Variants in ARHGAP18 observed in about 807,000 individuals in gnomAD.
The protein encoded by ARHGAP18 is Rho GTPase activating protein 18.
Under a neutral mutation model 86.2 loss-of-function variants are expected in ARHGAP18, and 67 were observed. The ratio of observed to expected loss-of-function variants is 0.78; its 90% CI spans 0.64 to 0.95. The LOEUF (loss-of-function observed/expected upper bound fraction) is 0.95. Ranked by LOEUF, ARHGAP18 falls within the 40% of genes least tolerant of loss-of-function variation. The pLI, the probability that ARHGAP18 is intolerant of heterozygous loss-of-function variation, is 0.00. For synonymous variants in ARHGAP18, 283 were observed against 280.4 expected, an observed-to-expected ratio of 1.01 and a Z score of -0.09; for missense variants, 691 against 780.4, an observed-to-expected ratio of 0.89 and a Z score of 1.37.
At chr6:129,598,657 G>A (rs1267687010) in intron 12 of ARHGAP18, among the ~76,000 whole-genome samples, 1 of 151,684 alleles carries the variant, frequency 6.6e-6, no homozygotes, top group Admixed American at 6.6e-5. Flanking sequence ...TTTCTTTTTT[G>A]AAACATCTTA....
intron 1 of ARHGAP18, among the ~76,000 whole-genome samples, chr6:129,644,556 A>C (rs1234437784): frequency 6.6e-6 from 1 of 152,042 alleles, no homozygotes; most frequent in Non-Finnish European, 1.5e-5. Context: ...TTTCTCTCTC[A>C]TAGTGTGAAA....
At chr6:129,656,979 G>C (rs868088477) in intron 1 of ARHGAP18, among the ~76,000 whole-genome samples, 13 of 152,224 alleles carry the variant, frequency 8.5e-5, no homozygotes, top group Middle Eastern at 3.4e-3. Flanking sequence ...AATACAACCT[G>C]AAGTACACAT....
At chr6:129,614,414 TA>T (rs1169186945) in intron 7 of ARHGAP18, among the ~76,000 whole-genome samples, 2 of 152,222 alleles carry the variant, frequency 1.3e-5, no homozygotes, top group African/African-American at 4.8e-5. Context: ...TATGCTCCTT[TA>T]TTTTTTATAG....
At chr6:129,703,964 TC>T (rs1023464118) in intron 1 of ARHGAP18, among the ~76,000 whole-genome samples, 5 of 145,614 alleles carry the variant, frequency 3.4e-5, no homozygotes, top group African/African-American at 1.0e-4. Flanking sequence ...TCCCTTTTTT[TC>T]AACAACAAAA....
chr6:129,690,632 G>A (rs1194048529), intron 1 of ARHGAP18, among the ~76,000 whole-genome samples: 1 of 152,080 alleles, frequency 6.6e-6, no homozygotes, highest in Non-Finnish European at 1.5e-5. Flanking sequence ...TCACTTTGAA[G>A]ATATTCAGGA....
At chr6:129,631,312 G>A (rs367912778) in intron 4 of ARHGAP18, among the ~76,000 whole-genome samples, 13 of 151,816 alleles carry the variant, frequency 8.6e-5, no homozygotes, top group African/African-American at 2.4e-4. Flanking sequence ...CCACACCAAC[G>A]GACTATGCCG....
At chr6:129,669,012 T>G (rs1248696832) in intron 1 of ARHGAP18, among the ~76,000 whole-genome samples, 1 of 152,110 alleles carries the variant, frequency 6.6e-6, no homozygotes, top group Non-Finnish European at 1.5e-5. Context: ...ACTAGAAATA[T>G]TCACATAAAG....
intron 1 of ARHGAP18, among the ~76,000 whole-genome samples, chr6:129,643,055 T>C (rs1455785050): frequency 6.6e-6 from 1 of 152,066 alleles, no homozygotes; most frequent in Non-Finnish European, 1.5e-5. Flanking sequence ...TTATAATTCA[T>C]ATCTTACCTA....
rs771980010 is a variant in ARHGAP18 at position 129,600,866 on chromosome 6, CTT to C, written c.1366-20_1366-19del. On this transcript the variant is annotated intron_variant, in intron 10 of 14. Coordinates refer to ENST00000368149, the MANE Select transcript of ARHGAP18 (RefSeq NM_033515.3). ...AGAAGGGCCTGAAACAGAAATGACT[CTT>C]TGAGATTTGTGTCATATATGAAGAT... The C allele has an allele frequency of 2.5e-6, 4 of 1,589,860 alleles. No individual in the cohort carries two copies. The highest frequency in any genetic ancestry group is 2.6e-6 in the Non-Finnish European group (3 of 1,162,050).
rs117365405 is a variant in ARHGAP18, at chr6:129,630,466, T to C, written c.617-944A>G. 7.6e-3 allele frequency among the ~76,000 whole-genome samples: 1,154 copies of C among 152,294 alleles called. 8 individuals carry two copies. The highest frequency in any genetic ancestry group is 0.011 in the Non-Finnish European group (715 of 68,028). ...GAAGCTCTGAATTACAAAATACATC[T>C]ATGCAGTGTAGACACATGCTTATAA... On this transcript the variant is annotated intron_variant, in intron 4 of 14. Transcript: ENST00000368149.
intron 7 of ARHGAP18, among the ~76,000 whole-genome samples, chr6:129,614,785 CTG>C (rs1789060289): frequency 7.0e-6 from 1 of 142,236 alleles, no homozygotes; most frequent in Non-Finnish European, 1.5e-5. Flanking sequence ...TCACAGTAGA[CTG>C]TGAATAATGA....
chr6:129,601,583 T>C, intron 10 of ARHGAP18, among the ~76,000 whole-genome samples: 1 of 150,046 alleles, frequency 6.7e-6, no homozygotes, highest in East Asian at 1.9e-4. Context: ...TGAGGGAATA[T>C]TGTGATAGAG....
intron 1 of ARHGAP18, among the ~76,000 whole-genome samples, chr6:129,673,136 C>T (rs1774168774): frequency 6.6e-6 from 1 of 152,170 alleles, no homozygotes; most frequent in African/African-American, 2.4e-5. Flanking sequence ...AAATATGCTT[C>T]TGCATAAATT....
At chr6:129,625,418 T>C (rs1331994983) in intron 5 of ARHGAP18, among the ~76,000 whole-genome samples, 1 of 34,856 alleles carries the variant, frequency 2.9e-5, no homozygotes, top group Non-Finnish European at 4.4e-5. Flanking sequence ...ATATTATATA[T>C]AATATATATT....
At chr6:129,619,673 T>C (rs941773922) in intron 5 of ARHGAP18, among the ~76,000 whole-genome samples, 2 of 135,918 alleles carry the variant, frequency 1.5e-5, no homozygotes, top group African/African-American at 5.7e-5. Flanking sequence ...GAAGATGACA[T>C]GAAGAAGACA....
intron 1 of ARHGAP18, among the ~76,000 whole-genome samples, chr6:129,693,717 C>G (rs1299457848): frequency 1.3e-5 from 2 of 152,160 alleles, no homozygotes; most frequent in Non-Finnish European, 2.9e-5. Flanking sequence ...GAGGTTCAAA[C>G]CAAAGCTGAT....
chr6:129,625,519 T>G (rs1313365023), intron 5 of ARHGAP18, among the ~76,000 whole-genome samples: 1 of 56,558 alleles, frequency 1.8e-5, no homozygotes, highest in Non-Finnish European at 3.2e-5. Context: ...ATATCATATA[T>G]ATTATAACTA....
chr6:129,584,094 C>T lies in ARHGAP18; in HGVS notation c.1732G>A (p.Val578Met). The change falls in exon 13 of 15, where the codon GTG becomes ATG. Residue 578 changes from valine (V) to methionine (M), a missense_variant. Transcript: ENST00000368149. ...AGATGGGGAGCTTGCACTCGAATCA[C>T]TCCCTGAGGAACGTCAGCCTGCAAA... ...STNDADVPQG[V>M]IRVQAPHLSK... The T allele has an allele frequency of 6.2e-7, 1 of 1,613,672 alleles. No homozygotes were observed. Among genetic ancestry groups the T allele is most frequent in the South Asian group, 1.1e-5 (1 of 91,070 alleles).
At chr6:129,629,264 T>C (rs1257410862) in intron 5 of ARHGAP18, 89 bp downstream of exon 5, 1 of 1,041,180 alleles carries the variant, frequency 9.6e-7, no homozygotes, top group Admixed American at 2.2e-5. Flanking sequence ...TATATATATG[T>C]GTGTGTGCGT....
Sources: gnomAD v4.1 joint callset for allele counts (sites outside exome capture counted in the v4.1 genomes callset) on GRCh38, gnomAD v4.1.1 for gene constraint, MANE v1.5 for transcripts, NCBI Gene and HGNC (gene_info 2026-07-23, HGNC 2026-07-21) for gene names.